The following PSENEN variants were observed in gnomAD, a reference collection of about 807,000 sequenced individuals.
PSENEN encodes the protein presenilin enhancer, gamma-secretase subunit, also known as gamma-secretase subunit PEN-2.
A neutral mutation model predicts 15.4 loss-of-function variants in PSENEN; 4 were observed. The ratio of observed to expected loss-of-function variants is 0.26; its 90% confidence interval spans 0.13 to 0.59. The LOEUF is 0.59. Among genes scored for constraint, PSENEN ranks in the 20% least tolerant of loss-of-function variants. The probability of loss-of-function intolerance (pLI) is 0.89; values close to 1 mark genes in which losing one functional copy is unlikely to be tolerated. For synonymous variants in PSENEN, 42 were observed against 46.5 expected (o/e 0.90, Z 0.39); for missense variants, 112 against 120.3 (o/e 0.93, Z 0.32).
intron 2 of PSENEN, 140 bp from the exon 3 acceptor site, chr19:35,746,279 G>C (rs2146519371): frequency 1.3e-6 from 1 of 794,170 alleles, no homozygotes; most frequent in African/African-American, 1.7e-5. Flanking sequence ...CCAGATTCCT[G>C]AGTCCCTGAC....
At position 35,746,480 on chromosome 19, in the gene PSENEN, C is replaced by T; in HGVS notation, c.123C>T (p.Ala41=). 1 of 1,614,032 alleles carries T rather than the reference C, an allele frequency of 6.2e-7. No homozygotes were observed. Among genetic ancestry groups the T allele is most frequent in the Non-Finnish European group, 8.5e-7 (1 of 1,180,024 alleles). ...LVNIFWFFRE[A]FLVPAYTEQS... ...ACATCTTCTGGTTCTTCCGAGAGGCCTTCCTTGTCCCAGCCTACACAGAAC... is the reference window on the plus strand; with the variant it reads ...ACATCTTCTGGTTCTTCCGAGAGGCTTTCCTTGTCCCAGCCTACACAGAAC... Residue 41 remains alanine, a synonymous_variant, in exon 3 of 4, where the codon GCC becomes GCT. Transcript: ENST00000587708.
At chr19:35,746,046 C>T in intron 2 of PSENEN, 55 bp downstream of exon 2, 3 of 1,576,214 alleles carry the variant, frequency 1.9e-6, no homozygotes, top group Non-Finnish European at 2.6e-6. Context: ...CTAGAGCACC[C>T]GAGGGAAGAG....
Position 35,745,979 on chromosome 19 carries a change from A to C in PSENEN, c.49A>C (p.Lys17Gln). 6.2e-7 allele frequency: 1 copy of C among 1,614,098 alleles called. No individual in the cohort carries two copies. Among genetic ancestry groups the C allele is most frequent in the Non-Finnish European group, 8.5e-7 (1 of 1,180,016 alleles). The stretch of plus-strand genomic sequence containing the variant: ...TGAGGAGAAATTGAACCTGTGCCGG[A>C]AGTACTACCTGGGTAAGGCAGATCG... ...SNEEKLNLCR[K>Q]YYLGGFAFLP... Residue 17 changes from lysine to glutamine, a missense_variant, in exon 2 of 4, where the codon AAG becomes CAG. Transcript: ENST00000587708.
Position 35,746,868 on chromosome 19 carries a change from G to T in PSENEN, c.*21G>T. ...CCTGACAACTTCTGCACATACTGGG[G>T]CCCTGCTTATTCTCCCAGGACAGGC... On this transcript the variant is annotated 3_prime_UTR_variant, in exon 4 of 4. Transcript: ENST00000587708. 6.2e-7 allele frequency: 1 copy of T among 1,613,046 alleles called. No homozygotes were observed. The highest frequency in any genetic ancestry group is 1.1e-5 in the South Asian group (1 of 91,050).
chr19:35,746,872 T>C lies in PSENEN; in HGVS notation c.*25T>C. 6.2e-7 allele frequency: 1 copy of C among 1,612,410 alleles called. No homozygotes were observed. The highest frequency in any genetic ancestry group is 8.5e-7 in the Non-Finnish European group (1 of 1,179,096). On this transcript the variant is annotated 3_prime_UTR_variant, in exon 4 of 4. Coordinates refer to ENST00000587708, the MANE Select transcript of PSENEN (RefSeq NM_172341.4). ...ACAACTTCTGCACATACTGGGGCCCTGCTTATTCTCCCAGGACAGGCTCCT... is the reference window on the plus strand; with the variant it reads ...ACAACTTCTGCACATACTGGGGCCCCGCTTATTCTCCCAGGACAGGCTCCT...
In PSENEN at chr19:35,745,911, G is replaced by C. The variant is rs778790780; in HGVS notation, c.-20G>C. 6.2e-7 allele frequency: 1 copy of C among 1,613,908 alleles called. No individual in the cohort carries two copies. Among genetic ancestry groups the C allele is most frequent in the Admixed American group, 1.7e-5 (1 of 60,028 alleles). On this transcript the variant is annotated 5_prime_UTR_variant, in exon 2 of 4. Transcript: ENST00000587708. Reference sequence around the variant, plus strand: ...GTCTTGCCCCGCAGACCCTTGGGACGACCCGGCCCCAGCGCAGCTATGAAC... The same window carrying C: ...GTCTTGCCCCGCAGACCCTTGGGACCACCCGGCCCCAGCGCAGCTATGAAC...
At chr19:35,746,380 G>T in intron 2 of PSENEN, 39 bp from the exon 3 acceptor site, 1 of 1,509,134 alleles carries the variant, frequency 6.6e-7, no homozygotes. Flanking sequence ...TGCCTTATGA[G>T]GTTTTGGGGT....
chr19:35,746,192 G>A (rs1281504097), intron 2 of PSENEN, among the ~76,000 whole-genome samples: 2 of 151,802 alleles, frequency 1.3e-5, no homozygotes, highest in African/African-American at 4.9e-5. Flanking sequence ...AAGAGAGGAG[G>A]GGGATTGAGG....
In PSENEN at chr19:35,746,019, G is replaced by T. The variant is rs754974176; in HGVS notation, c.61+28G>T. Reference sequence around the variant, plus strand: ...AAGGCAGATCGCTAGGGTCCCAGGAGAAGAGAGGGGACTGGACTAGAGCAC... The same window carrying T: ...AAGGCAGATCGCTAGGGTCCCAGGATAAGAGAGGGGACTGGACTAGAGCAC... On this transcript the variant is annotated intron_variant, in intron 2 of 3. Coordinates refer to ENST00000587708, the MANE Select transcript of PSENEN (RefSeq NM_172341.4). The T allele has an allele frequency of 5.0e-6, 8 of 1,610,916 alleles. No individual in the cohort carries two copies. The East Asian group carries it at 1.8e-4, about 36-fold the overall frequency.
At position 35,747,005 on chromosome 19, in the gene PSENEN, T is replaced by A. The variant is rs1350761555; in HGVS notation, c.*158T>A. ...CCCAATAAAGGACCCTAACTTTCGATACTGACTTCCTGGGATCTTTTAGAG... is the reference window on the plus strand; with the variant it reads ...CCCAATAAAGGACCCTAACTTTCGAAACTGACTTCCTGGGATCTTTTAGAG... On this transcript the variant is annotated 3_prime_UTR_variant, in exon 4 of 4. Transcript: ENST00000587708. 8.9e-6 allele frequency: 6 copies of A among 672,558 alleles called. No individual in the cohort carries two copies. Among genetic ancestry groups the A allele is most frequent in the Non-Finnish European group, 1.5e-5 (6 of 410,532 alleles). The allele number at this position is 672,558 out of a possible 1,614,324, so 41.7% of individuals were successfully genotyped here. A position where few individuals can be genotyped will look rare whatever the true frequency, so the allele number is the denominator to read the frequency against.
Position 35,746,886 on chromosome 19 carries a change from G to T in PSENEN, c.*39G>T. ...TACTGGGGCCCTGCTTATTCTCCCA[G>T]GACAGGCTCCTTAAAGCAGAGGAGC... On this transcript the variant is annotated 3_prime_UTR_variant, in exon 4 of 4. Transcript: ENST00000587708. 9 of 1,609,784 alleles carry T rather than the reference G, an allele frequency of 5.6e-6. No individual in the cohort carries two copies. The highest frequency in any genetic ancestry group is 6.8e-6 in the Non-Finnish European group (8 of 1,177,574).
At chr19:35,746,395 T>G in intron 2 of PSENEN, 24 bp from the exon 3 acceptor site, 2 of 1,567,182 alleles carry the variant, frequency 1.3e-6, no homozygotes, top group Non-Finnish European at 1.8e-6. Context: ...TGGGGTTTGT[T>G]TGTTTGTTTT....
At chr19:35,746,344 C>G (rs2293688) in intron 2 of PSENEN, 75 bp from the exon 3 acceptor site, 427,034 of 1,225,486 alleles carry the variant, frequency 0.35, 77,644 homozygotes, top group African/African-American at 0.56. Context: ...AAATAGATCT[C>G]GGTGGGAGTT....
At position 35,746,813 on chromosome 19, in the gene PSENEN, A is replaced by G. The variant is rs768288547; in HGVS notation, c.272A>G (p.Tyr91Cys). 3.1e-6 allele frequency: 5 copies of G among 1,613,252 alleles called. No individual in the cohort carries two copies. The African/African-American group carries it at 4.0e-5, about 13-fold the overall frequency. The change falls in exon 4 of 4, where the codon TAC (tyrosine) becomes TGC (cysteine). Residue 91 changes from tyrosine to cysteine, a missense_variant. By Grantham distance (194) the Tyr-to-Cys change is radical. Coordinates refer to ENST00000587708, the MANE Select transcript of PSENEN (RefSeq NM_172341.4). ...CCCCGCTGGGGTGCCCTTGGGGACTACCTCTCCTTCACCATACCCCTGGGC... is the reference window on the plus strand; with the variant it reads ...CCCCGCTGGGGTGCCCTTGGGGACTGCCTCTCCTTCACCATACCCCTGGGC... The part of the protein sequence containing the change: ...YRPRWGALGD[Y>C]LSFTIPLGTP
chr19:35,746,828 T>C lies in PSENEN; in HGVS notation c.287T>C (p.Ile96Thr). ...GALGDYLSFT[I>T]PLGTP Reference sequence around the variant, plus strand: ...CTTGGGGACTACCTCTCCTTCACCATACCCCTGGGCACCCCCTGACAACTT... The same window carrying C: ...CTTGGGGACTACCTCTCCTTCACCACACCCCTGGGCACCCCCTGACAACTT... Residue 96 changes from isoleucine (I) to threonine (T), a missense_variant, in exon 4 of 4, where the codon ATA becomes ACA. Coordinates refer to ENST00000587708, the MANE Select transcript of PSENEN (RefSeq NM_172341.4). The C allele has an allele frequency of 6.2e-7, 1 of 1,613,874 alleles. No homozygotes were observed. Among genetic ancestry groups the C allele is most frequent in the South Asian group, 1.1e-5 (1 of 91,066 alleles).
chr19:35,746,417 AG>A lies in PSENEN; in HGVS notation c.66del, dbSNP rs1555738837. ...TGTTTGTTTGTTTTTCTTTCTCCCT[AG>A]GGGGGTTTGCTTTCCTGCCTTTTCT... is the stretch of plus-strand genomic sequence containing the variant. On this transcript the variant is annotated splice_acceptor_variant, in intron 2 of 3. Transcript: ENST00000587708. LOFTEE classifies it high-confidence loss of function. 4 of 1,610,938 alleles carry A rather than the reference AG, an allele frequency of 2.5e-6. No homozygotes were observed. The highest frequency in any genetic ancestry group is 1.7e-6 in the Non-Finnish European group (2 of 1,177,840).
intron 2 of PSENEN, 151 bp from the exon 3 acceptor site, chr19:35,746,268 G>T: frequency 1.3e-6 from 1 of 762,228 alleles, no homozygotes; most frequent in Non-Finnish European, 2.2e-6. Context: ...CCAAAGAGGA[G>T]CCAGATTCCT....
Position 35,746,963 on chromosome 19 carries a change from G to A in PSENEN, c.*116G>A, listed in dbSNP as rs112713388. The A allele has an allele frequency of 2.8e-5, 30 of 1,080,186 alleles. No homozygotes were observed. In the East Asian group the frequency reaches 3.9e-4, roughly 14 times the overall value. 66.9% of individuals were successfully genotyped at this position (1,080,186 alleles called of 1,614,324 possible). ...CCTAAGACTTGTTTTCATGTCCCAC[G>A]TTCTCTGCTGACATCCCCCAATAAA... On this transcript the variant is annotated 3_prime_UTR_variant, in exon 4 of 4. Coordinates refer to ENST00000587708, the MANE Select transcript of PSENEN (RefSeq NM_172341.4).
intron 2 of PSENEN, among the ~76,000 whole-genome samples, 171 bp from the exon 3 acceptor site, chr19:35,746,248 T>G (rs1350207136): frequency 8.5e-5 from 13 of 152,162 alleles, no homozygotes; most frequent in Admixed American, 7.9e-4. Context: ...AGGAATCAGA[T>G]TCCTGGATCC....
Sources: gnomAD v4.1 joint callset for allele counts (sites outside exome capture counted in the v4.1 genomes callset) on GRCh38, gnomAD v4.1.1 for gene constraint, MANE v1.5 for transcripts, NCBI Gene and HGNC (gene_info 2026-07-23, HGNC 2026-07-21) for gene names.